Variants in LSM10 observed in about 807,000 individuals in gnomAD.
The protein encoded by LSM10 is U7 snRNA-associated Sm-like protein LSm10.
A neutral mutation model predicts 5.2 loss-of-function variants in LSM10; 4 were observed. That is an observed-to-expected ratio of 0.77 (90% CI 0.38 to 1.77). LSM10 has a LOEUF of 1.77. LSM10 is among the 40% of genes most tolerant of loss of function. LSM10 has a pLI of 0.04. For missense variants in LSM10, 150 were observed against 171.6 expected, an observed-to-expected ratio of 0.87 and a Z score of 0.70; for synonymous variants, 63 against 67.4, an observed-to-expected ratio of 0.94 and a Z score of 0.32.
chr1:36,394,271 A>G lies in LSM10; in HGVS notation c.-24-118T>C, dbSNP rs543950386. On this transcript the variant is annotated intron_variant, in intron 1 of 1. Transcript: ENST00000315732. ...CACAGACCACCTCTGCAATTTTTGT[A>G]TCTGTGGACACAGATGCTTCCCGCA... The G allele has an allele frequency of 1.2e-5, 11 of 903,186 alleles. No individual in the cohort carries two copies. The African/African-American group carries it at 1.5e-4, about 12-fold the overall frequency. The allele number at this position is 903,186 out of a possible 1,614,324, so 55.9% of individuals were successfully genotyped here.
At chr1:36,396,081 G>C (rs1647156339) in intron 1 of LSM10, among the ~76,000 whole-genome samples, 1 of 150,692 alleles carries the variant, frequency 6.6e-6, no homozygotes. Flanking sequence ...AAATTAGCCA[G>C]GCGTGGTGGC....
intron 1 of LSM10, 116 bp from the exon 2 acceptor site, chr1:36,394,269 G>GT (rs1481365610): frequency 6.3e-6 from 6 of 945,764 alleles, no homozygotes; most frequent in Non-Finnish European, 9.2e-6. Flanking sequence ...TGCAATTTTT[G>GT]TATCTGTGGA....
chr1:36,393,659 C>G lies in LSM10; in HGVS notation c.*99G>C. The G allele has an allele frequency of 4.3e-5, 66 of 1,522,002 alleles. No individual in the cohort carries two copies. The highest frequency in any genetic ancestry group is 5.8e-5 in the Non-Finnish European group (65 of 1,122,104). The allele number at this position is 1,522,002 out of a possible 1,614,324, so 94.3% of individuals were successfully genotyped here. On this transcript the variant is annotated 3_prime_UTR_variant, in exon 2 of 2. Coordinates refer to ENST00000315732, the MANE Select transcript of LSM10 (RefSeq NM_032881.3). The stretch of plus-strand genomic sequence containing the variant: ...TTGGACACCAGCTTCTGGCCTGGCC[C>G]TGCTTTCTTCTCGGGTACCAGACAG...
Position 36,393,626 on chromosome 1 carries a change from G to A in LSM10, c.*132C>T. 2.4e-6 allele frequency: 3 copies of A among 1,240,334 alleles called. No homozygotes were observed. The highest frequency in any genetic ancestry group is 4.2e-5 in the Admixed American group (2 of 48,146). The allele number at this position is 1,240,334 out of a possible 1,614,324, so 76.8% of individuals were successfully genotyped here. On this transcript the variant is annotated 3_prime_UTR_variant, in exon 2 of 2. Transcript: ENST00000315732. ...CCTGTGAAAGGCAGCTTTGACAGGT[G>A]GTGTCTGTTGGACACCAGCTTCTGG...
Position 36,393,608 on chromosome 1 carries a change from A to C in LSM10, c.*150T>G. The C allele has an allele frequency of 1.8e-6, 2 of 1,100,754 alleles. No homozygotes were observed. The highest frequency in any genetic ancestry group is 4.7e-5 in the East Asian group (2 of 42,128). 68.2% of individuals were successfully genotyped at this position (1,100,754 alleles called of 1,614,324 possible). On this transcript the variant is annotated 3_prime_UTR_variant, in exon 2 of 2. Coordinates refer to ENST00000315732, the MANE Select transcript of LSM10 (RefSeq NM_032881.3). ...GAGTCTGGGAGGTGGAACCCTGTGAAAGGCAGCTTTGACAGGTGGTGTCTG... is the reference window on the plus strand; with the variant it reads ...GAGTCTGGGAGGTGGAACCCTGTGACAGGCAGCTTTGACAGGTGGTGTCTG...
intron 1 of LSM10, among the ~76,000 whole-genome samples, chr1:36,396,837 G>A (rs1241907398): frequency 6.6e-6 from 1 of 152,056 alleles, no homozygotes; most frequent in Non-Finnish European, 1.5e-5. Context: ...CTGGGCATGG[G>A]CGCACCTGTA....
At chr1:36,394,475 G>T (rs773853885) in intron 1 of LSM10, among the ~76,000 whole-genome samples, 31 of 152,066 alleles carry the variant, frequency 2.0e-4, no homozygotes, top group Middle Eastern at 3.4e-3. Context: ...GACCTGCTTG[G>T]GCAACATAGC....
chr1:36,395,918 A>T (rs978971902), intron 1 of LSM10, among the ~76,000 whole-genome samples: 1 of 151,710 alleles, frequency 6.6e-6, no homozygotes, highest in South Asian at 2.1e-4. Context: ...GGGCCCAGGT[A>T]TCCTATTTTG....
chr1:36,393,536 A>AT lies in LSM10; in HGVS notation c.*221dup, dbSNP rs893186060. On this transcript the variant is annotated 3_prime_UTR_variant, in exon 2 of 2. Transcript: ENST00000315732. ...GAGATTCAGATCATCAAAAAGGGGG[A>AT]TTGTCACCTACCCCAAGGCCACATA... 7 of 593,632 alleles carry AT rather than the reference A, an allele frequency of 1.2e-5. No homozygotes were observed. Among genetic ancestry groups the AT allele is most frequent in the Non-Finnish European group, 2.1e-5 (7 of 335,562 alleles). 36.8% of individuals were successfully genotyped at this position (593,632 alleles called of 1,614,324 possible).
chr1:36,396,066 C>CA (rs1185660642), intron 1 of LSM10, among the ~76,000 whole-genome samples: 3 of 151,240 alleles, frequency 2.0e-5, no homozygotes, highest in Non-Finnish European at 4.4e-5. Flanking sequence ...ACTAAAAATA[C>CA]AAAAAAATTA....
rs1367183224 is a variant in LSM10, at chr1:36,394,030, G to A, written c.100C>T (p.Arg34Trp). The change falls in exon 2 of 2, where the codon CGG becomes TGG. Residue 34 changes from arginine to tryptophan, a missense_variant. Transcript: ENST00000315732. ...CGTCCGTGGGCCACGCTCTCATCCC[G>A]CAGGTCCACAGTGGTTACCCGGCCC... is the stretch of plus-strand genomic sequence containing the variant. Reference protein sequence around the residue: ...LQGRVTTVDLRDESVAHGRID... With the variant: ...LQGRVTTVDLWDESVAHGRID... 6.8e-6 allele frequency: 11 copies of A among 1,614,198 alleles called. No homozygotes were observed. The East Asian group carries it at 1.3e-4, about 20-fold the overall frequency.
At position 36,393,815 on chromosome 1, in the gene LSM10, T is replaced by A. The variant is rs2124761267; in HGVS notation, c.315A>T (p.Arg105=). Residue 105 remains arginine, a synonymous_variant, in exon 2 of 2, where the codon CGA becomes CGT. Coordinates refer to ENST00000315732, the MANE Select transcript of LSM10 (RefSeq NM_032881.3). The stretch of plus-strand genomic sequence containing the variant: ...GGCCTTGGCCCTTGCCACCAAAGTT[T>A]CGCACCCGATGGATAATCTGCAGCT... The part of the protein sequence containing the change: ...EQQLQIIHRV[R]NFGGKGQGRW... 6.2e-7 allele frequency: 1 copy of A among 1,614,218 alleles called. No homozygotes were observed. Among genetic ancestry groups the A allele is most frequent in the East Asian group, 2.2e-5 (1 of 44,890 alleles).
rs560951813 is a variant in LSM10, at chr1:36,396,237, A to G, written c.-25+1530T>C. Among the ~76,000 whole-genome samples, 984 of 150,348 alleles carry G rather than the reference A, an allele frequency of 6.5e-3. 16 individuals carry two copies. Among genetic ancestry groups the G allele is most frequent in the African/African-American group, 0.023 (937 of 40,710 alleles). On this transcript the variant is annotated intron_variant, in intron 1 of 1. Transcript: ENST00000315732. ...TGACTCCATCTCAAAAAAAAAAAAA[A>G]AAAAAAAAAAAAGAAAGCTCCCCAG... is the stretch of plus-strand genomic sequence containing the variant.
In LSM10 at chr1:36,393,611, G is replaced by A; in HGVS notation, c.*147C>T. 1 of 1,113,208 alleles carries A rather than the reference G, an allele frequency of 9.0e-7. No individual in the cohort carries two copies. The allele number at this position is 1,113,208 out of a possible 1,614,324, so 69.0% of individuals were successfully genotyped here. ...TCTGGGAGGTGGAACCCTGTGAAAGGCAGCTTTGACAGGTGGTGTCTGTTG... is the reference window on the plus strand; with the variant it reads ...TCTGGGAGGTGGAACCCTGTGAAAGACAGCTTTGACAGGTGGTGTCTGTTG... On this transcript the variant is annotated 3_prime_UTR_variant, in exon 2 of 2. Transcript: ENST00000315732.
chr1:36,395,518 G>A (rs6684524), intron 1 of LSM10, among the ~76,000 whole-genome samples: 13 of 151,878 alleles, frequency 8.6e-5, no homozygotes, highest in African/African-American at 2.7e-4. Flanking sequence ...GTGGCTCCCC[G>A]CTGTAATCCC....
intron 1 of LSM10, among the ~76,000 whole-genome samples, chr1:36,396,580 T>C (rs577090008): frequency 6.6e-6 from 1 of 152,318 alleles, no homozygotes; most frequent in African/African-American, 2.4e-5. Flanking sequence ...GATAAAGTCA[T>C]TTTGAACATG....
At chr1:36,394,794 AG>A (rs1308782133) in intron 1 of LSM10, among the ~76,000 whole-genome samples, 818 of 72,800 alleles carry the variant, frequency 0.011, 4 homozygotes, top group Middle Eastern at 0.051. Flanking sequence ...CTCAAAAAAA[AG>A]AAAAACCTAT....
chr1:36,393,621 C>G lies in LSM10; in HGVS notation c.*137G>C, dbSNP rs1647137313. On this transcript the variant is annotated 3_prime_UTR_variant, in exon 2 of 2. Coordinates refer to ENST00000315732, the MANE Select transcript of LSM10 (RefSeq NM_032881.3). ...GGAACCCTGTGAAAGGCAGCTTTGA[C>G]AGGTGGTGTCTGTTGGACACCAGCT... is the stretch of plus-strand genomic sequence containing the variant. The G allele has an allele frequency of 2.9e-5, 35 of 1,205,598 alleles. No homozygotes were observed. The highest frequency in any genetic ancestry group is 3.7e-5 in the Non-Finnish European group (32 of 854,708). The allele number at this position is 1,205,598 out of a possible 1,614,324, so 74.7% of individuals were successfully genotyped here. A position where few individuals can be genotyped will look rare whatever the true frequency, so the allele number is the denominator to read the frequency against.
chr1:36,393,797 G>A lies in LSM10; in HGVS notation c.333C>T (p.Gly111=). 6.2e-7 allele frequency: 1 copy of A among 1,614,226 alleles called. No homozygotes were observed. Among genetic ancestry groups the A allele is most frequent in the Non-Finnish European group, 8.5e-7 (1 of 1,180,036 alleles). Residue 111 remains glycine (G), a synonymous_variant, in exon 2 of 2, where the codon GGC becomes GGT. Coordinates refer to ENST00000315732, the MANE Select transcript of LSM10 (RefSeq NM_032881.3). The part of the protein sequence containing the change: ...IHRVRNFGGK[G]QGRWEFPPKN... ...TTGGGGGAAATTCCCACCGGCCTTGGCCCTTGCCACCAAAGTTTCGCACCC... is the reference window on the plus strand; with the variant it reads ...TTGGGGGAAATTCCCACCGGCCTTGACCCTTGCCACCAAAGTTTCGCACCC...
Sources: allele counts gnomAD v4.1 joint callset (sites outside exome capture counted in the v4.1 genomes callset), GRCh38; gene constraint gnomAD v4.1.1; transcripts MANE v1.5; gene names NCBI Gene and HGNC (gene_info 2026-07-23, HGNC 2026-07-21).